FOXP2: variants seen among roughly 807,000 people sequenced by gnomAD.
FOXP2 encodes the protein forkhead box protein P2.
Under a neutral mutation model 115.8 loss-of-function variants are expected in FOXP2, and 12 were observed. The observed-to-expected ratio is 0.10, with a 90% CI of 0.07 to 0.17. The LOEUF (loss-of-function observed/expected upper bound fraction) is 0.17. Ranked by LOEUF, FOXP2 falls within the 10% of genes least tolerant of loss-of-function variation. The pLI is 1.00. For synonymous variants in FOXP2, 328 were observed against 297.7 expected, an observed-to-expected ratio of 1.10 and a Z score of -1.05; for missense variants, 629 against 843.5, an observed-to-expected ratio of 0.75 and a Z score of 3.15.
At chr7:114,669,540 CAG>C (rs1374944255) in intron 16 of FOXP2, 1 of 151,918 alleles carries the variant, frequency 6.6e-6, no homozygotes, top group Non-Finnish European at 1.5e-5. Context: ...TTCCCTTTTT[CAG>C]AGTTATATAG....
intron 2 of FOXP2, among the ~76,000 whole-genome samples, chr7:114,325,560 T>G (rs1175118724): frequency 6.6e-6 from 1 of 151,986 alleles, no homozygotes; most frequent in Non-Finnish European, 1.5e-5. Flanking sequence ...CTGTAAACAT[T>G]AAATTTATCT....
chr7:114,689,991 C>T lies in FOXP2; in HGVS notation c.*65C>T, dbSNP rs891190420. On this transcript the variant is annotated 3_prime_UTR_variant, in exon 17 of 17. Coordinates refer to ENST00000350908, the MANE Select transcript of FOXP2 (RefSeq NM_014491.4). ...CTGACCTTCATAACCACTCCACAAC[C>T]ATGAATATTTGACAAATTTTTACTG... 2 of 1,591,846 alleles carry T rather than the reference C, an allele frequency of 1.3e-6. No homozygotes were observed. Among genetic ancestry groups the T allele is most frequent in the Non-Finnish European group, 8.6e-7 (1 of 1,164,924 alleles).
intron 2 of FOXP2, among the ~76,000 whole-genome samples, chr7:114,350,943 A>G (rs1562882446): frequency 6.6e-6 from 1 of 152,170 alleles, no homozygotes; most frequent in South Asian, 2.1e-4. Flanking sequence ...ATACTTTTGT[A>G]TATATTTCAT....
chr7:114,142,166 G>A (rs1438670038), intron 1 of FOXP2, among the ~76,000 whole-genome samples: 1 of 152,034 alleles, frequency 6.6e-6, no homozygotes, highest in African/African-American at 2.4e-5. Context: ...GGGATTACAG[G>A]TGCCCACCAC....
intron 1 of FOXP2, among the ~76,000 whole-genome samples, chr7:114,420,251 C>A (rs761499051): frequency 6.6e-6 from 1 of 151,818 alleles, no homozygotes; most frequent in Non-Finnish European, 1.5e-5. Flanking sequence ...AGTAGTCCAG[C>A]CTTTGGGAAT....
chr7:114,180,870 T>C (rs1234925901), intron 1 of FOXP2, among the ~76,000 whole-genome samples: 1 of 152,018 alleles, frequency 6.6e-6, no homozygotes, highest in African/African-American at 2.4e-5. Context: ...CTCAATTCTT[T>C]ATACCCTTTA....
At chr7:114,435,500 T>A (rs1467867327) in intron 2 of FOXP2, among the ~76,000 whole-genome samples, 1 of 152,060 alleles carries the variant, frequency 6.6e-6, no homozygotes, top group Admixed American at 6.6e-5. Context: ...TAGATATAGA[T>A]CCTGGAGGAT....
intron 1 of FOXP2, among the ~76,000 whole-genome samples, chr7:114,268,700 CTGTGTGTGTGTGTG>C (rs61371412): frequency 1.4e-5 from 2 of 148,014 alleles, no homozygotes; most frequent in African/African-American, 2.5e-5. Flanking sequence ...ATACTCCCCA[CTGTGTGTGTGTGTG>C]TGTGTGTGTG....
At chr7:114,683,935 A>G (rs1449264578) in intron 16 of FOXP2, among the ~76,000 whole-genome samples, 1 of 152,196 alleles carries the variant, frequency 6.6e-6, no homozygotes, top group Non-Finnish European at 1.5e-5. Context: ...GTTCAGACAT[A>G]TTTTTATACA....
intron 2 of FOXP2, among the ~76,000 whole-genome samples, chr7:114,334,696 G>T (rs970845193): frequency 6.6e-6 from 1 of 150,840 alleles, no homozygotes; most frequent in Non-Finnish European, 1.5e-5. Context: ...GTTTTATCGG[G>T]TTGGAGTTGA....
At chr7:114,512,131 A>G (rs1181928678) in intron 2 of FOXP2, among the ~76,000 whole-genome samples, 2 of 152,116 alleles carry the variant, frequency 1.3e-5, no homozygotes, top group African/African-American at 4.8e-5. Flanking sequence ...TATATTTGTG[A>G]AAAGTCATGT....
At chr7:114,332,935 T>C (rs1030785633) in intron 2 of FOXP2, among the ~76,000 whole-genome samples, 7 of 152,106 alleles carry the variant, frequency 4.6e-5, no homozygotes, top group Non-Finnish European at 8.8e-5. Context: ...CTGAAAGAAC[T>C]ATTAAAAGAT....
intron 2 of FOXP2, among the ~76,000 whole-genome samples, chr7:114,333,691 A>C (rs1488398478): frequency 6.6e-6 from 1 of 152,142 alleles, no homozygotes; most frequent in African/African-American, 2.4e-5. Flanking sequence ...GTTTGAGACC[A>C]GCTTGGCCAA....
At chr7:114,195,164 T>G (rs1174136899) in intron 1 of FOXP2, among the ~76,000 whole-genome samples, 3 of 150,818 alleles carry the variant, frequency 2.0e-5, no homozygotes, top group Non-Finnish European at 4.4e-5. Flanking sequence ...CGATGAATAT[T>G]ATAAGGAAAA....
At chr7:114,602,850 A>G (rs373570342) in intron 3 of FOXP2, among the ~76,000 whole-genome samples, 3 of 152,340 alleles carry the variant, frequency 2.0e-5, no homozygotes, top group African/African-American at 2.4e-5. Flanking sequence ...TTGGTCTAAA[A>G]TATGGGTCAG....
At chr7:114,455,298 C>G (rs988425871) in intron 2 of FOXP2, among the ~76,000 whole-genome samples, 1 of 152,194 alleles carries the variant, frequency 6.6e-6, no homozygotes, top group African/African-American at 2.4e-5. Flanking sequence ...TCCTTCCACT[C>G]CACCCTCTGT....
chr7:114,504,909 T>C (rs567658096), intron 2 of FOXP2, among the ~76,000 whole-genome samples: 1 of 151,762 alleles, frequency 6.6e-6, no homozygotes, highest in East Asian at 1.9e-4. Flanking sequence ...GCCTTGACTT[T>C]AGTGCTTTTT....
At chr7:114,634,292 G>T (rs555611576) in intron 6 of FOXP2, among the ~76,000 whole-genome samples, 1 of 151,992 alleles carries the variant, frequency 6.6e-6, no homozygotes, top group African/African-American at 2.4e-5. Flanking sequence ...CACTGTGCTC[G>T]ACCTAAAACT....
chr7:114,142,230 G>A (rs1172709673), intron 1 of FOXP2, among the ~76,000 whole-genome samples: 1 of 151,976 alleles, frequency 6.6e-6, no homozygotes, highest in Non-Finnish European at 1.5e-5. Context: ...CATCACATTG[G>A]CCAGGCTAAT....
Sources: allele counts gnomAD v4.1 joint callset (sites outside exome capture counted in the v4.1 genomes callset), GRCh38; gene constraint gnomAD v4.1.1; transcripts MANE v1.5; gene names NCBI Gene and HGNC (gene_info 2026-07-23, HGNC 2026-07-21).